SAFB: variants seen among roughly 807,000 people sequenced by gnomAD.
SAFB encodes the protein scaffold attachment factor B.
In SAFB, 15 loss-of-function variants were observed where a neutral mutation model predicts 101.6. That is an observed-to-expected ratio of 0.15 (90% CI 0.10 to 0.23). The LOEUF (loss-of-function observed/expected upper bound fraction) is 0.23, where lower values mean the gene tolerates loss of function less well. SAFB is among the 10% of genes least tolerant of loss of function. The pLI is 1.00. For missense variants in SAFB, 930 were observed against 1,104.1 expected (o/e 0.84, Z 2.23); for synonymous variants, 449 against 407.5 (o/e 1.10, Z -1.23).
At position 5,629,380 on chromosome 19, in the gene SAFB, A is replaced by G. The variant is rs553755199; in HGVS notation, c.274+2891A>G. Among the ~76,000 whole-genome samples the G allele has an allele frequency of 5.3e-5, 8 of 152,318 alleles. No homozygotes were observed. In the East Asian group the frequency reaches 9.6e-4, roughly 18 times the overall value. On this transcript the variant is annotated intron_variant, in intron 2 of 20. Coordinates refer to ENST00000588852, the MANE Select transcript of SAFB (RefSeq NM_001201338.2). The stretch of plus-strand genomic sequence containing the variant: ...CAAGAGGTCAAGGCTGCGGTGAGCC[A>G]TGAGTGTGCTTCTACACTCCAGCTT...
intron 14 of SAFB, among the ~76,000 whole-genome samples, chr19:5,659,474 TG>T (rs2054145107): frequency 6.6e-6 from 1 of 151,688 alleles, no homozygotes; most frequent in South Asian, 2.1e-4. Flanking sequence ...CTCCGTCCCC[TG>T]GGTTCACACC....
rs1161900039 is a variant in SAFB at position 5,640,664 on chromosome 19, A to T, written c.275-930A>T. On this transcript the variant is annotated intron_variant, in intron 2 of 20. Coordinates refer to ENST00000588852, the MANE Select transcript of SAFB (RefSeq NM_001201338.2). ...GAGTGCAGCGGCACGATCTCAGCTC[A>T]CTGCAACCTAAACCTCCAGAGTTCA... Among the ~76,000 whole-genome samples, 7 of 152,118 alleles carry T rather than the reference A, an allele frequency of 4.6e-5. No homozygotes were observed. The East Asian group carries it at 1.3e-3, about 29-fold the overall frequency.
At chr19:5,631,775 A>G (rs1468593664) in intron 2 of SAFB, among the ~76,000 whole-genome samples, 1 of 152,214 alleles carries the variant, frequency 6.6e-6, no homozygotes, top group Admixed American at 6.5e-5. Flanking sequence ...GCTGTGCGAG[A>G]TGGCTCTCGT....
chr19:5,640,005 TTTTG>T (rs989617649), intron 2 of SAFB, among the ~76,000 whole-genome samples: 2 of 151,790 alleles, frequency 1.3e-5, no homozygotes, highest in Non-Finnish European at 2.9e-5. Context: ...ACCTGGCTAA[TTTTG>T]TTTTTTGTTT....
chr19:5,634,851 A>G (rs928967475), intron 2 of SAFB, among the ~76,000 whole-genome samples: 3 of 152,268 alleles, frequency 2.0e-5, no homozygotes, highest in Admixed American at 2.0e-4. Context: ...AAATTTACAC[A>G]GTTCCGCAAG....
In SAFB at chr19:5,667,597, C is replaced by T; in HGVS notation, c.2557+147C>T. ...TGAAGAGCACTCCAGACACCGCCTG[C>T]TCTCTGGTGGTCTGGCCCAGGAGTT... On this transcript the variant is annotated intron_variant, in intron 19 of 20. Transcript: ENST00000588852. This position sits in a 1 kb window ranked among gnomAD's most constrained non-coding sequence, Gnocchi z 4.0. 1 of 708,728 alleles carries T rather than the reference C, an allele frequency of 1.4e-6. No individual in the cohort carries two copies. The highest frequency in any genetic ancestry group is 2.9e-5 in the Admixed American group (1 of 34,998). 43.9% of individuals were successfully genotyped at this position (708,728 alleles called of 1,614,324 possible).
chr19:5,653,531 A>G, intron 11 of SAFB, 111 bp downstream of exon 11: 2 of 885,926 alleles, frequency 2.3e-6, no homozygotes, highest in African/African-American at 1.7e-5. Context: ...CAGTGGTGTG[A>G]TCTCGGCTCA....
At chr19:5,648,164 GT>G in intron 6 of SAFB, 121 bp downstream of exon 6, 1 of 842,760 alleles carries the variant, frequency 1.2e-6, no homozygotes, top group Non-Finnish European at 1.9e-6. Flanking sequence ...TGTTCTAAAG[GT>G]TTACAATCCA....
chr19:5,658,592 C>T (rs2054118870), intron 14 of SAFB, among the ~76,000 whole-genome samples: 1 of 151,988 alleles, frequency 6.6e-6, no homozygotes, highest in South Asian at 2.1e-4. Context: ...GTAATCCCAG[C>T]ACTGTGGGAG....
rs1447648230 is a variant in SAFB, at chr19:5,623,152, G to A, written c.-54G>A. ...CGGCGCCATTTTGTGCTAGGAGCCT[G>A]ATAAAACCGGCCCGGTTCTGTGGAA... On this transcript the variant is annotated 5_prime_UTR_variant, in exon 1 of 21. Coordinates refer to ENST00000588852, the MANE Select transcript of SAFB (RefSeq NM_001201338.2). 1 of 1,531,314 alleles carries A rather than the reference G, an allele frequency of 6.5e-7. No homozygotes were observed. The highest frequency in any genetic ancestry group is 8.8e-7 in the Non-Finnish European group (1 of 1,132,928). The allele number at this position is 1,531,314 out of a possible 1,614,324, so 94.9% of individuals were successfully genotyped here. A position where few individuals can be genotyped will look rare whatever the true frequency, so the allele number is the denominator to read the frequency against.
intron 17 of SAFB, chr19:5,665,339 C>T (rs78728385): frequency 0.017 from 2,553 of 152,226 alleles, 25 homozygotes; most frequent in Non-Finnish European, 0.027. Flanking sequence ...TGTAAAGGCT[C>T]CAGAATCAGA....
chr19:5,664,799 G>A, intron 17 of SAFB: 2 of 274,492 alleles, frequency 7.3e-6, no homozygotes, highest in Admixed American at 9.8e-5. Flanking sequence ...TGGGGAGGCT[G>A]TGGTTGCTGT....
Position 5,667,140 on chromosome 19 carries a change from G to A in SAFB, c.2429G>A (p.Gly810Asp). 6.2e-7 allele frequency: 1 copy of A among 1,603,484 alleles called. No individual in the cohort carries two copies. Among genetic ancestry groups the A allele is most frequent in the Non-Finnish European group, 8.5e-7 (1 of 1,171,808 alleles). The change falls in exon 18 of 21, where the codon GGC becomes GAC. Residue 810 changes from glycine (G) to aspartate (D), a missense_variant. Physicochemically the swap from Gly to Asp is moderately conservative, Grantham distance 94 (BLOSUM62 -1). Around this residue, in one of 7 missense-constraint regions of SAFB, gnomAD observed 318 missense variants for 342.6 expected, o/e 0.93. Transcript: ENST00000588852. The surrounding 1 kb of genome is among the most constrained non-coding windows in gnomAD (Gnocchi z 4.0). ...GYGSDKRMSE[G>D]RGLPPPPRGR... Reference sequence around the variant, plus strand: ...GGCTCTGACAAGAGGATGAGCGAGGGCCGGGGGCTGCCTCCTCCCCCCAGG... The same window carrying A: ...GGCTCTGACAAGAGGATGAGCGAGGACCGGGGGCTGCCTCCTCCCCCCAGG...
At chr19:5,628,636 A>G (rs891699249) in intron 2 of SAFB, among the ~76,000 whole-genome samples, 1 of 152,192 alleles carries the variant, frequency 6.6e-6, no homozygotes, top group Non-Finnish European at 1.5e-5. Flanking sequence ...AAATGAGATA[A>G]TAACTAATAC....
chr19:5,629,858 A>ATGGCAAAACCCCACGTC lies in SAFB; in HGVS notation c.274+3371_274+3387dup, dbSNP rs145933799. On this transcript the variant is annotated intron_variant, in intron 2 of 20. Transcript: ENST00000588852. ...GGATCAAAAGATCAGCCTGGCCAACATGGCAAAACCCCACGTCTACTAAAA... is the reference window on the plus strand; with the variant it reads ...GGATCAAAAGATCAGCCTGGCCAACATGGCAAAACCCCACGTCTGGCAAAACCCCACGTCTACTAAAA... 1.8e-3 allele frequency among the ~76,000 whole-genome samples: 278 copies of ATGGCAAAACCCCACGTC among 152,270 alleles called. 4 individuals carry two copies. In the East Asian group the frequency reaches 0.042, roughly 23 times the overall value.
At position 5,668,192 on chromosome 19, in the gene SAFB, C is replaced by T. The variant is rs1240731447; in HGVS notation, c.2655C>T (p.Ser885=). 6.2e-7 allele frequency: 1 copy of T among 1,606,240 alleles called. No homozygotes were observed. The highest frequency in any genetic ancestry group is 2.2e-5 in the East Asian group (1 of 44,682). Residue 885 remains serine (S), a synonymous_variant, in exon 21 of 21, where the codon TCC becomes TCT. Coordinates refer to ENST00000588852, the MANE Select transcript of SAFB (RefSeq NM_001201338.2). The part of the protein sequence containing the change: ...GRGSFAPGGA[S]RGHPIPHGGM... ...GCAGCTTTGCCCCAGGCGGGGCCTC[C>T]CGGGGCCACCCCATCCCACACGGTG...
chr19:5,646,412 A>T (rs1301191398), intron 5 of SAFB, among the ~76,000 whole-genome samples: 2 of 152,196 alleles, frequency 1.3e-5, no homozygotes, highest in Admixed American at 1.3e-4. Flanking sequence ...CCCGACTCAG[A>T]AAGGAGAGGA....
At chr19:5,628,560 A>G (rs2053419311) in intron 2 of SAFB, among the ~76,000 whole-genome samples, 1 of 152,296 alleles carries the variant, frequency 6.6e-6, no homozygotes, top group African/African-American at 2.4e-5. Context: ...AGTGCTCAGA[A>G]GGTTTCAGTT....
At chr19:5,640,998 C>T (rs1216603144) in intron 2 of SAFB, among the ~76,000 whole-genome samples, 1 of 150,562 alleles carries the variant, frequency 6.6e-6, no homozygotes, top group Non-Finnish European at 1.5e-5. Context: ...GGCGCAGTCT[C>T]GGCTCAGTGC....
Sources: gnomAD v4.1 joint callset for allele counts (sites outside exome capture counted in the v4.1 genomes callset) on GRCh38, gnomAD v4.1.1 for gene constraint, gnomAD v4.1.1 regional missense constraint, Gnocchi (gnomAD v3.1) non-coding constraint, MANE v1.5 for transcripts, NCBI Gene and HGNC (gene_info 2026-07-23, HGNC 2026-07-21) for gene names.